The following EPHA4 variants were observed in gnomAD, a reference collection of about 807,000 sequenced individuals.
EPHA4 encodes the protein EPH receptor A4.
A neutral mutation model predicts 108.3 loss-of-function variants in EPHA4; 19 were observed. That is an observed-to-expected ratio of 0.18 (90% CI 0.12 to 0.26). The LOEUF is 0.26. Among genes scored for constraint, EPHA4 ranks in the 10% least tolerant of loss-of-function variants. The pLI is 1.00. For missense variants in EPHA4, 917 were observed against 1,254.0 expected, an observed-to-expected ratio of 0.73 and a Z score of 4.06; for synonymous variants, 449 against 455.5, an observed-to-expected ratio of 0.99 and a Z score of 0.18.
intron 3 of EPHA4, among the ~76,000 whole-genome samples, chr2:221,534,741 C>G (rs1222252192): frequency 6.6e-6 from 1 of 152,202 alleles, no homozygotes; most frequent in Non-Finnish European, 1.5e-5. Flanking sequence ...TGCCCATAAT[C>G]AAACTCAATA....
chr2:221,436,683 G>C, intron 12 of EPHA4, 75 bp from the exon 13 acceptor site: 1 of 1,428,656 alleles, frequency 7.0e-7, no homozygotes, highest in Non-Finnish European at 9.8e-7. Context: ...TTTATTACTT[G>C]AATCTTTTTG....
At chr2:221,429,456 C>T (rs1286636523) in intron 15 of EPHA4, among the ~76,000 whole-genome samples, 1 of 152,188 alleles carries the variant, frequency 6.6e-6, no homozygotes, top group Non-Finnish European at 1.5e-5. Flanking sequence ...TCCTCCTACT[C>T]TGAAAGACTC....
chr2:221,455,453 C>T lies in EPHA4; in HGVS notation c.1715+94G>A, dbSNP rs1690915496. 14 of 948,628 alleles carry T rather than the reference C, an allele frequency of 1.5e-5. No individual in the cohort carries two copies. The East Asian group carries it at 2.1e-4, about 14-fold the overall frequency. The allele number at this position is 948,628 out of a possible 1,614,324, so 58.8% of individuals were successfully genotyped here. A position where few individuals can be genotyped will look rare whatever the true frequency, so the allele number is the denominator to read the frequency against. ...GGATGCAGATGCCAAGTTTATGACG[C>T]AATCAAAAGCCTTAGCTTTGTGTGG... On this transcript the variant is annotated intron_variant, in intron 8 of 17. Transcript: ENST00000281821.
chr2:221,429,397 A>T (rs1378138067), intron 15 of EPHA4, among the ~76,000 whole-genome samples: 1 of 152,150 alleles, frequency 6.6e-6, no homozygotes, highest in South Asian at 2.1e-4. Context: ...CTTCCCAAAC[A>T]TTCATCTGCA....
At chr2:221,511,534 C>CGATTTCTGTA (rs1214200148) in intron 3 of EPHA4, among the ~76,000 whole-genome samples, 1 of 152,160 alleles carries the variant, frequency 6.6e-6, no homozygotes. Flanking sequence ...ATGTCACTTC[C>CGATTTCTGTA]CTTTTTTGTC....
chr2:221,462,942 C>T lies in EPHA4; in HGVS notation c.1319-4952G>A, dbSNP rs1691194625. Among the ~76,000 whole-genome samples, 3 of 152,200 alleles carry T rather than the reference C, an allele frequency of 2.0e-5. No individual in the cohort carries two copies. The South Asian group carries it at 6.2e-4, about 32-fold the overall frequency. On this transcript the variant is annotated intron_variant, in intron 5 of 17. Coordinates refer to ENST00000281821, the MANE Select transcript of EPHA4 (RefSeq NM_004438.5). The stretch of plus-strand genomic sequence containing the variant: ...CATATGCAAATAGTTCTCCTGACTT[C>T]TTAACTGCCAAGGTGGAGTGATGGT...
intron 3 of EPHA4, among the ~76,000 whole-genome samples, chr2:221,530,598 A>G (rs962583004): frequency 5.3e-5 from 8 of 152,200 alleles, no homozygotes; most frequent in Admixed American, 3.9e-4. Context: ...CCTCCTGGAC[A>G]TCCTTCTTGG....
chr2:221,441,962 C>T (rs1364492250), intron 11 of EPHA4, among the ~76,000 whole-genome samples: 1 of 152,254 alleles, frequency 6.6e-6, no homozygotes, highest in Non-Finnish European at 1.5e-5. Context: ...CCTCCGACTG[C>T]TCCCCCACAC....
intron 14 of EPHA4, among the ~76,000 whole-genome samples, chr2:221,432,818 A>ATTTTT (rs34200694): frequency 6.7e-5 from 6 of 89,088 alleles, no homozygotes; most frequent in Non-Finnish European, 1.3e-4. Flanking sequence ...AAATCTTTGT[A>ATTTTT]TTTTTTTTTT....
At chr2:221,532,102 G>T (rs1255898574) in intron 3 of EPHA4, among the ~76,000 whole-genome samples, 6 of 150,682 alleles carry the variant, frequency 4.0e-5, no homozygotes, top group Non-Finnish European at 8.8e-5. Flanking sequence ...CCAGGCAATT[G>T]TCACACAGAT....
At chr2:221,566,876 A>G (rs914375187) in intron 2 of EPHA4, among the ~76,000 whole-genome samples, 1 of 22,652 alleles carries the variant, frequency 4.4e-5, no homozygotes, top group Admixed American at 4.8e-4. Flanking sequence ...AAGAAGAAGA[A>G]GGAGAAGGAG....
intron 3 of EPHA4, chr2:221,502,521 A>G (rs531039420): frequency 2.1e-6 from 1 of 471,290 alleles, no homozygotes; most frequent in African/African-American, 2.0e-5. Context: ...AACGCAGCAG[A>G]TCTTACTGAA....
intron 3 of EPHA4, among the ~76,000 whole-genome samples, chr2:221,562,766 C>G (rs1404121257): frequency 2.6e-5 from 4 of 152,172 alleles, no homozygotes; most frequent in African/African-American, 9.7e-5. Context: ...TTATTTCACA[C>G]ATGACAAACA....
intron 10 of EPHA4, among the ~76,000 whole-genome samples, 167 bp from the exon 11 acceptor site, chr2:221,443,181 A>G (rs1178955987): frequency 2.0e-5 from 3 of 152,182 alleles, no homozygotes; most frequent in Admixed American, 1.3e-4. Context: ...TGCTACTATT[A>G]GCCCCATTTT....
intron 4 of EPHA4, among the ~76,000 whole-genome samples, chr2:221,490,142 TC>T (rs1692096801): frequency 1.2e-5 from 1 of 83,494 alleles, no homozygotes; most frequent in Admixed American, 1.4e-4. Context: ...TGAGACCCTG[TC>T]TCAAAAAAAA....
chr2:221,439,528 C>T (rs925070701), intron 11 of EPHA4, among the ~76,000 whole-genome samples: 7 of 151,294 alleles, frequency 4.6e-5, no homozygotes, highest in Non-Finnish European at 1.0e-4. Flanking sequence ...GGCTCTGTGG[C>T]CCAAGCTAGA....
At chr2:221,436,035 T>C (rs1336327194) in intron 13 of EPHA4, among the ~76,000 whole-genome samples, 1 of 152,112 alleles carries the variant, frequency 6.6e-6, no homozygotes, top group Non-Finnish European at 1.5e-5. Context: ...TTCTCAGTAA[T>C]TGATCATTTG....
At chr2:221,562,407 C>CAATTT (rs1379555043) in intron 3 of EPHA4, among the ~76,000 whole-genome samples, 2 of 152,102 alleles carry the variant, frequency 1.3e-5, no homozygotes, top group Non-Finnish European at 2.9e-5. Flanking sequence ...CCAAAAAATG[C>CAATTT]AATTTTCTTC....
intron 3 of EPHA4, among the ~76,000 whole-genome samples, chr2:221,510,336 A>G (rs550137143): frequency 4.2e-4 from 64 of 152,208 alleles, no homozygotes; most frequent in Non-Finnish European, 8.8e-4. Context: ...CAATTTAAAC[A>G]CCATTCCTAA....
Sources: gnomAD v4.1 joint callset for allele counts (sites outside exome capture counted in the v4.1 genomes callset) on GRCh38, gnomAD v4.1.1 for gene constraint, MANE v1.5 for transcripts, NCBI Gene and HGNC (gene_info 2026-07-23, HGNC 2026-07-21) for gene names.